Variants in TMEM132B observed in about 807,000 individuals in gnomAD.
TMEM132B encodes transmembrane protein 132B.
A neutral mutation model predicts 90.8 loss-of-function variants in TMEM132B; 18 were observed. That is an observed-to-expected ratio of 0.20 (90% CI 0.14 to 0.29). TMEM132B has a LOEUF of 0.29. Ranked by LOEUF, TMEM132B falls within the 10% of genes least tolerant of loss-of-function variation. The pLI is 1.00. For synonymous variants in TMEM132B, 504 were observed against 523.3 expected (o/e 0.96, Z 0.50); for missense variants, 1,096 against 1,326.8 (o/e 0.83, Z 2.70).
intron 4 of TMEM132B, among the ~76,000 whole-genome samples, chr12:125,558,171 A>T: frequency 6.6e-6 from 1 of 152,188 alleles, no homozygotes; most frequent in East Asian, 1.9e-4. Flanking sequence ...TGAAGTTGGC[A>T]TCAGAGGTTG....
At chr12:125,630,732 C>T (rs1037533010) in intron 5 of TMEM132B, among the ~76,000 whole-genome samples, 2 of 152,010 alleles carry the variant, frequency 1.3e-5, no homozygotes, top group African/African-American at 4.8e-5. Context: ...TGCTCCTCTT[C>T]CTCCTCCCAT....
At chr12:125,308,111 C>A (rs1201542954) in intron 1 of TMEM132B, among the ~76,000 whole-genome samples, 1 of 144,262 alleles carries the variant, frequency 6.9e-6, no homozygotes, top group Non-Finnish European at 1.5e-5. Context: ...AAGTATATTA[C>A]AAGTATATAT....
At chr12:125,226,633 A>T (rs1873687245) in intron 1 of TMEM132B, among the ~76,000 whole-genome samples, 1 of 152,214 alleles carries the variant, frequency 6.6e-6, no homozygotes, top group Non-Finnish European at 1.5e-5. Flanking sequence ...CTTTAGAATT[A>T]GGGATAGGCA....
intron 4 of TMEM132B, among the ~76,000 whole-genome samples, chr12:125,551,974 A>G (rs757127418): frequency 1.3e-5 from 2 of 152,120 alleles, no homozygotes; most frequent in Admixed American, 1.3e-4. Flanking sequence ...TGAGATGACA[A>G]ATGTTTTCTT....
At chr12:125,448,551 C>T (rs1032651619) in intron 3 of TMEM132B, among the ~76,000 whole-genome samples, 5 of 152,148 alleles carry the variant, frequency 3.3e-5, no homozygotes, top group Admixed American at 3.3e-4. Flanking sequence ...ACTTCCCCAT[C>T]CCAGTAGTAT....
chr12:125,388,204 G>A (rs1878902658), intron 2 of TMEM132B, among the ~76,000 whole-genome samples: 1 of 152,100 alleles, frequency 6.6e-6, no homozygotes, highest in Non-Finnish European at 1.5e-5. Flanking sequence ...AAGGTGAGTG[G>A]ATCACTTGAG....
intron 2 of TMEM132B, among the ~76,000 whole-genome samples, chr12:125,361,065 G>C (rs1267783426): frequency 1.3e-5 from 2 of 152,072 alleles, no homozygotes; most frequent in Non-Finnish European, 2.9e-5. Flanking sequence ...TGTGATGCTT[G>C]GTGCCAGTCT....
intron 4 of TMEM132B, among the ~76,000 whole-genome samples, chr12:125,557,990 C>A (rs1236927225): frequency 6.6e-6 from 1 of 152,162 alleles, no homozygotes. Context: ...CAGATGTATT[C>A]TGTGGATTCT....
intron 1 of TMEM132B, among the ~76,000 whole-genome samples, chr12:125,248,815 C>G (rs977091530): frequency 2.0e-5 from 3 of 152,198 alleles, no homozygotes; most frequent in Non-Finnish European, 2.9e-5. Context: ...TCTCCCTCTG[C>G]CCACTGTGGC....
chr12:125,398,251 C>T (rs1004194222), intron 2 of TMEM132B, among the ~76,000 whole-genome samples: 4 of 152,134 alleles, frequency 2.6e-5, no homozygotes, highest in Non-Finnish European at 4.4e-5. Context: ...TACCTGCTTC[C>T]TGAGTTATTG....
chr12:125,278,533 T>C (rs1221095964), intron 1 of TMEM132B, among the ~76,000 whole-genome samples: 1 of 152,012 alleles, frequency 6.6e-6, no homozygotes, highest in Non-Finnish European at 1.5e-5. Context: ...ACCAATTTTT[T>C]ATTAATGGGT....
At chr12:125,635,727 A>G (rs1293924587) in intron 5 of TMEM132B, among the ~76,000 whole-genome samples, 2 of 152,218 alleles carry the variant, frequency 1.3e-5, no homozygotes, top group African/African-American at 4.8e-5. Context: ...ACTGTCTTCC[A>G]CAATGGTTGA....
intron 1 of TMEM132B, among the ~76,000 whole-genome samples, chr12:125,190,223 T>C (rs777547328): frequency 5.9e-5 from 9 of 152,180 alleles, no homozygotes; most frequent in Non-Finnish European, 1.0e-4. Context: ...ACCTGGGAGC[T>C]CTTCTGGTAG....
At chr12:125,578,703 G>A (rs1884987236) in intron 4 of TMEM132B, among the ~76,000 whole-genome samples, 1 of 152,014 alleles carries the variant, frequency 6.6e-6, no homozygotes, top group African/African-American at 2.4e-5. Context: ...TGAAAGACAG[G>A]TTTTCTGGAT....
intron 1 of TMEM132B, among the ~76,000 whole-genome samples, chr12:125,228,242 G>T (rs909429454): frequency 6.6e-6 from 1 of 152,098 alleles, no homozygotes; most frequent in Admixed American, 6.5e-5. Context: ...CAATGAGCTC[G>T]GACTGGCCAG....
chr12:125,305,445 G>C (rs531611432), intron 1 of TMEM132B, among the ~76,000 whole-genome samples: 4 of 152,178 alleles, frequency 2.6e-5, no homozygotes, highest in Admixed American at 6.6e-5. Context: ...CAGGGTAGGG[G>C]GGGGAAGGCT....
In TMEM132B at chr12:125,406,692, T is replaced by C. The variant is rs1879494432; in HGVS notation, c.960-8839T>C. Among the ~76,000 whole-genome samples the C allele has an allele frequency of 6.6e-6, 1 of 152,076 alleles. No homozygotes were observed. Among genetic ancestry groups the C allele is most frequent in the Non-Finnish European group, 1.5e-5 (1 of 68,002 alleles). On this transcript the variant is annotated intron_variant, in intron 2 of 8. Transcript: ENST00000682704. This position sits in a 1 kb window ranked among gnomAD's most constrained non-coding sequence, Gnocchi z 8.3. ...TCCAACCCCCGCCCATGGCAGACAG[T>C]GAAAGACTTGACCCACCCACTGGAA...
intron 2 of TMEM132B, among the ~76,000 whole-genome samples, chr12:125,371,720 T>A (rs967163503): frequency 2.6e-5 from 4 of 152,236 alleles, no homozygotes; most frequent in Admixed American, 6.5e-5. Flanking sequence ...GACCAGTGAC[T>A]TGTGCAGTAA....
At chr12:125,542,362 C>T (rs1344040751) in intron 4 of TMEM132B, among the ~76,000 whole-genome samples, 1 of 152,116 alleles carries the variant, frequency 6.6e-6, no homozygotes, top group East Asian at 1.9e-4. Flanking sequence ...AACTTACTAT[C>T]GTCACCATTT....
Sources: allele counts gnomAD v4.1 joint callset (sites outside exome capture counted in the v4.1 genomes callset), GRCh38; gene constraint gnomAD v4.1.1; non-coding constraint Gnocchi (gnomAD v3.1); transcripts MANE v1.5; gene names NCBI Gene and HGNC (gene_info 2026-07-23, HGNC 2026-07-21).